MSRA: variants seen among roughly 807,000 people sequenced by gnomAD.
The protein encoded by MSRA is methionine sulfoxide reductase A.
In MSRA, 54 loss-of-function variants were observed where a neutral mutation model predicts 31.3. The ratio of observed to expected loss-of-function variants is 1.73; its 90% CI spans 1.39 to 2.17. MSRA has a LOEUF of 2.17. Among genes scored for constraint, MSRA ranks in the 30% most tolerant of loss-of-function variants. The probability of loss-of-function intolerance (pLI) is 0.00; values close to 1 mark genes in which losing one functional copy is unlikely to be tolerated. For missense variants in MSRA, 507 were observed against 300.9 expected (o/e 1.69, Z -5.07); for synonymous variants, 169 against 116.5 (o/e 1.45, Z -2.90).
At chr8:10,229,567 G>A (rs578113458) in intron 2 of MSRA, among the ~76,000 whole-genome samples, 6 of 149,280 alleles carry the variant, frequency 4.0e-5, no homozygotes, top group Non-Finnish European at 7.4e-5. Context: ...GTGTGCCTGC[G>A]CATGTGGGGA....
At chr8:10,399,366 G>T (rs537299687) in intron 5 of MSRA, among the ~76,000 whole-genome samples, 1 of 152,172 alleles carries the variant, frequency 6.6e-6, no homozygotes, top group Non-Finnish European at 1.5e-5. Flanking sequence ...TTGGCGGTGG[G>T]CCTGGTGCCA....
chr8:10,400,093 A>G (rs1212472930), intron 5 of MSRA, among the ~76,000 whole-genome samples: 1 of 151,762 alleles, frequency 6.6e-6, no homozygotes, highest in African/African-American at 2.4e-5. Context: ...GGTGGGAGGT[A>G]GGTGATAAAC....
At chr8:10,400,078 G>A (rs1807353672) in intron 5 of MSRA, among the ~76,000 whole-genome samples, 1 of 152,230 alleles carries the variant, frequency 6.6e-6, no homozygotes, top group Admixed American at 6.5e-5. Flanking sequence ...GTGTGTGTGT[G>A]TGAAGGTGGG....
chr8:10,254,733 G>A (rs1798089678), intron 3 of MSRA, among the ~76,000 whole-genome samples: 1 of 152,196 alleles, frequency 6.6e-6, no homozygotes, highest in African/African-American at 2.4e-5. Context: ...GTTTAAGACT[G>A]TCTCCTTCTA....
Position 10,054,301 on chromosome 8 carries a change from A to C in MSRA, c.-216A>C. On this transcript the variant is annotated 5_prime_UTR_variant, in exon 1 of 6. Transcript: ENST00000317173. Reference sequence around the variant, plus strand: ...CCGGGCCACACCCCCTGTCCAGGGAAGGAACACGCCCCCGGTGACAGCCGG... The same window carrying C: ...CCGGGCCACACCCCCTGTCCAGGGACGGAACACGCCCCCGGTGACAGCCGG... The C allele has an allele frequency of 2.8e-6, 1 of 354,936 alleles. No homozygotes were observed. The highest frequency in any genetic ancestry group is 4.9e-6 in the Non-Finnish European group (1 of 203,790). 22.0% of individuals were successfully genotyped at this position (354,936 alleles called of 1,614,324 possible).
intron 5 of MSRA, among the ~76,000 whole-genome samples, chr8:10,414,689 C>A (rs752852447): frequency 4.6e-5 from 7 of 152,226 alleles, no homozygotes; most frequent in Non-Finnish European, 1.0e-4. Flanking sequence ...CTTTTCTATT[C>A]AACCTTTTGG....
At chr8:10,351,245 CTTTTTTTTTT>C (rs71203317) in intron 5 of MSRA, among the ~76,000 whole-genome samples, 38 of 56,808 alleles carry the variant, frequency 6.7e-4, no homozygotes, top group Admixed American at 2.2e-3. Flanking sequence ...CTGAAGGAGA[CTTTTTTTTTT>C]TTTTTTTTTT....
At position 10,140,533 on chromosome 8, in the gene MSRA, G is replaced by A. The variant is rs562437171; in HGVS notation, c.143-67300G>A. On this transcript the variant is annotated intron_variant, in intron 1 of 5. Coordinates refer to ENST00000317173, the MANE Select transcript of MSRA (RefSeq NM_012331.5). Reference sequence around the variant, plus strand: ...ATTTGATGGCCTATAATAAATTCACGTTTTAGCATACCAAGGGCCTGATAT... The same window carrying A: ...ATTTGATGGCCTATAATAAATTCACATTTTAGCATACCAAGGGCCTGATAT... Among the ~76,000 whole-genome samples the A allele has an allele frequency of 1.6e-4, 24 of 152,204 alleles. No individual in the cohort carries two copies. In the South Asian group the frequency reaches 4.4e-3, roughly 28 times the overall value.
At chr8:10,304,123 G>T (rs990221344) in intron 4 of MSRA, among the ~76,000 whole-genome samples, 7 of 152,088 alleles carry the variant, frequency 4.6e-5, no homozygotes, top group Admixed American at 3.3e-4. Flanking sequence ...TTATAATAGA[G>T]CTGGGGTTTC....
At chr8:10,170,334 C>G (rs779826147) in intron 1 of MSRA, among the ~76,000 whole-genome samples, 8 of 152,132 alleles carry the variant, frequency 5.3e-5, no homozygotes, top group Non-Finnish European at 1.2e-4. Flanking sequence ...AGTTAGTGCT[C>G]TTATAAGAAA....
chr8:10,353,535 C>G (rs1022145061), intron 5 of MSRA: 4 of 449,934 alleles, frequency 8.9e-6, no homozygotes, highest in Non-Finnish European at 1.8e-5. Flanking sequence ...CTGCAGAGCA[C>G]GACACCTGAC....
chr8:10,146,176 GTGCGATCGTAAAGGAAGAACCCATATT>G (rs1353375306), intron 1 of MSRA, among the ~76,000 whole-genome samples: 3 of 152,180 alleles, frequency 2.0e-5, no homozygotes, highest in African/African-American at 7.2e-5. Flanking sequence ...GCAAAGAATG[GTGCGATCGTAAAGGAAGAACCCATATT>G]TGCTTTGGGT....
chr8:10,067,919 T>G (rs1196610039), intron 1 of MSRA, among the ~76,000 whole-genome samples: 1 of 138,650 alleles, frequency 7.2e-6, no homozygotes, highest in Non-Finnish European at 1.6e-5. Flanking sequence ...AGTCTTACAC[T>G]ATTGCCCAGG....
At chr8:10,128,545 C>T (rs1054169761) in intron 1 of MSRA, among the ~76,000 whole-genome samples, 32 of 152,152 alleles carry the variant, frequency 2.1e-4, no homozygotes, top group Non-Finnish European at 2.5e-4. Flanking sequence ...TGGGGCATCA[C>T]AGCTGAGGCT....
chr8:10,100,772 C>T (rs1799482039), intron 1 of MSRA, among the ~76,000 whole-genome samples: 1 of 152,066 alleles, frequency 6.6e-6, no homozygotes, highest in African/African-American at 2.4e-5. Context: ...AAAAATGTTA[C>T]CTGTGTGTGT....
chr8:10,108,498 C>CT (rs943263237), intron 1 of MSRA, among the ~76,000 whole-genome samples: 2 of 152,098 alleles, frequency 1.3e-5, no homozygotes, highest in South Asian at 2.1e-4. Context: ...TCCACAAAGA[C>CT]TTTTTTTTCC....
At chr8:10,138,196 C>A (rs1485235984) in intron 1 of MSRA, among the ~76,000 whole-genome samples, 1 of 152,118 alleles carries the variant, frequency 6.6e-6, no homozygotes, top group Non-Finnish European at 1.5e-5. Context: ...CTGTGCAGTA[C>A]AGATAGAGGT....
intron 1 of MSRA, among the ~76,000 whole-genome samples, chr8:10,198,465 A>G (rs926444176): frequency 6.6e-6 from 1 of 152,090 alleles, no homozygotes; most frequent in Admixed American, 6.5e-5. Flanking sequence ...TTTATTCTCC[A>G]TGTGTGGGGT....
At chr8:10,158,633 T>C (rs1804378505) in intron 1 of MSRA, among the ~76,000 whole-genome samples, 1 of 152,248 alleles carries the variant, frequency 6.6e-6, no homozygotes, top group Admixed American at 6.5e-5. Flanking sequence ...ATTCATCAGT[T>C]GACAGACATT....
Sources: gnomAD v4.1 joint callset for allele counts (sites outside exome capture counted in the v4.1 genomes callset) on GRCh38, gnomAD v4.1.1 for gene constraint, MANE v1.5 for transcripts, NCBI Gene and HGNC (gene_info 2026-07-23, HGNC 2026-07-21) for gene names.